Variants in CUX2 observed in about 807,000 individuals in gnomAD.
The protein encoded by CUX2 is homeobox protein cut-like 2.
A neutral mutation model predicts 144.8 loss-of-function variants in CUX2; 40 were observed. That is an observed-to-expected ratio of 0.28 (90% CI 0.21 to 0.36). The LOEUF (loss-of-function observed/expected upper bound fraction) is 0.36, where lower values mean the gene tolerates loss of function less well. Among genes scored for constraint, CUX2 ranks in the 10% least tolerant of loss-of-function variants. The pLI, the probability that CUX2 is intolerant of heterozygous loss-of-function variation, is 1.00. For missense variants in CUX2, 1,615 were observed against 1,994.0 expected (o/e 0.81, Z 3.62); for synonymous variants, 827 against 875.6 (o/e 0.94, Z 0.98).
rs974881980 is a variant in CUX2, at chr12:111,322,179, G to A, written c.2767-242G>A. 2.6e-5 allele frequency among the ~76,000 whole-genome samples: 4 copies of A among 151,988 alleles called. No individual in the cohort carries two copies. Among genetic ancestry groups the A allele is most frequent in the Admixed American group, 6.6e-5 (1 of 15,244 alleles). ...CTAAAAATACAAAAATTAGCCAGACGTGCACCAGCCTGGTACAAGTCCCAA... is the reference window on the plus strand; with the variant it reads ...CTAAAAATACAAAAATTAGCCAGACATGCACCAGCCTGGTACAAGTCCCAA... On this transcript the variant is annotated intron_variant, in intron 17 of 21. Transcript: ENST00000261726. This position sits in a 1 kb window ranked among gnomAD's most constrained non-coding sequence, Gnocchi z 4.2.
intron 17 of CUX2, among the ~76,000 whole-genome samples, chr12:111,321,468 C>T (rs551438702): frequency 4.0e-5 from 6 of 148,558 alleles, no homozygotes; most frequent in Non-Finnish European, 7.4e-5. Context: ...TACTCCATCT[C>T]AAAAGAAAAA....
At chr12:111,342,243 C>T (rs974718578) in intron 21 of CUX2, among the ~76,000 whole-genome samples, 190 bp downstream of exon 21, 2 of 152,018 alleles carry the variant, frequency 1.3e-5, no homozygotes, top group Non-Finnish European at 2.9e-5. Flanking sequence ...TTTGGGAGGC[C>T]AAGGTGGGAG....
At position 111,347,855 on chromosome 12, in the gene CUX2, G is replaced by A. The variant is rs1888883730; in HGVS notation, c.3991G>A (p.Glu1331Lys). The A allele has an allele frequency of 6.2e-7, 1 of 1,614,124 alleles. No homozygotes were observed. Among genetic ancestry groups the A allele is most frequent in the Non-Finnish European group, 8.5e-7 (1 of 1,180,028 alleles). The change falls in exon 22 of 22, where the codon GAG (glutamate) becomes AAG (lysine). Residue 1331 changes from glutamate to lysine, a missense_variant. By Grantham distance (56) the Glu-to-Lys change is moderately conservative. Transcript: ENST00000261726. ...LDKGQGPPKEEHPDPPGNDGL... is the reference protein window; with the variant it reads ...LDKGQGPPKEKHPDPPGNDGL... ...CAAAGGCCAAGGTCCCCCCAAAGAG[G>A]AGCATCCCGACCCTCCGGGTAATGA... is the stretch of plus-strand genomic sequence containing the variant.
chr12:111,316,148 T>C (rs1461179133), intron 16 of CUX2, among the ~76,000 whole-genome samples: 4 of 151,212 alleles, frequency 2.6e-5, no homozygotes, highest in African/African-American at 9.8e-5. Flanking sequence ...TAAGCTTTTT[T>C]TTTTTTTTTT....
intron 20 of CUX2, among the ~76,000 whole-genome samples, chr12:111,341,565 G>A (rs1360838121): frequency 1.3e-5 from 2 of 152,240 alleles, no homozygotes; most frequent in East Asian, 3.9e-4. Flanking sequence ...GGGCGGGCGA[G>A]GTTAGGCTAG....
chr12:111,264,248 A>G (rs1884270717), intron 4 of CUX2, among the ~76,000 whole-genome samples: 1 of 152,068 alleles, frequency 6.6e-6, no homozygotes, highest in East Asian at 1.9e-4. Context: ...CAACCCCAAA[A>G]ATCTGCTGTT....
At chr12:111,099,515 T>C (rs535750506) in intron 1 of CUX2, 1 of 456,132 alleles carries the variant, frequency 2.2e-6, no homozygotes, top group Non-Finnish European at 4.4e-6. Context: ...CAGGGCAAGT[T>C]GTGGGGAGGT....
intron 18 of CUX2, among the ~76,000 whole-genome samples, chr12:111,328,974 T>TCTCTCTCTCTCTCTCTCTCTC (rs1435391998): frequency 3.1e-5 from 2 of 65,356 alleles, no homozygotes; most frequent in Non-Finnish European, 5.1e-5. Context: ...TCTCTCTCTC[T>TCTCTCTCTCTCTCTCTCTCTC]CCCCCTCTCT....
intron 3 of CUX2, among the ~76,000 whole-genome samples, chr12:111,261,017 G>A (rs886482223): frequency 2.0e-5 from 3 of 152,158 alleles, no homozygotes; most frequent in Non-Finnish European, 2.9e-5. Context: ...TCTCGCCCAG[G>A]GCAGCTGTAG....
At chr12:111,233,303 A>G (rs1410665302) in intron 3 of CUX2, among the ~76,000 whole-genome samples, 1 of 152,080 alleles carries the variant, frequency 6.6e-6, no homozygotes, top group Admixed American at 6.5e-5. Context: ...ACCCTTGCAG[A>G]CCGCCTCTTA....
chr12:111,148,703 A>C (rs576316779), intron 1 of CUX2, among the ~76,000 whole-genome samples: 1 of 152,282 alleles, frequency 6.6e-6, no homozygotes, highest in African/African-American at 2.4e-5. Context: ...ACTATTAAGA[A>C]GTAGGTAAGG....
intron 1 of CUX2, among the ~76,000 whole-genome samples, chr12:111,183,156 C>A (rs1253758267): frequency 6.6e-6 from 1 of 152,192 alleles, no homozygotes; most frequent in Non-Finnish European, 1.5e-5. Context: ...TGTGCTTCAC[C>A]CCAGTTGAGA....
chr12:111,295,313 C>T lies in CUX2; in HGVS notation c.561-20C>T. On this transcript the variant is annotated intron_variant, in intron 6 of 21. Coordinates refer to ENST00000261726, the MANE Select transcript of CUX2 (RefSeq NM_015267.4). This position sits in a 1 kb window ranked among gnomAD's most constrained non-coding sequence, Gnocchi z 5.0. ...GGCCTGTCCCTGCAGCCAGCACAAG[C>T]AGGCCTCGTCTCTCCGCAGGGGCCT... 1 of 1,608,760 alleles carries T rather than the reference C, an allele frequency of 6.2e-7. No homozygotes were observed. The highest frequency in any genetic ancestry group is 8.5e-7 in the Non-Finnish European group (1 of 1,177,942).
At chr12:111,170,817 TC>T (rs1878474415) in intron 1 of CUX2, among the ~76,000 whole-genome samples, 1 of 152,076 alleles carries the variant, frequency 6.6e-6, no homozygotes, top group African/African-American at 2.4e-5. Flanking sequence ...AGCAGGTTGT[TC>T]CTCTCCGTGG....
chr12:111,162,415 C>A (rs1254803496), intron 1 of CUX2, among the ~76,000 whole-genome samples: 1 of 152,230 alleles, frequency 6.6e-6, no homozygotes, highest in South Asian at 2.1e-4. Flanking sequence ...GTGCATGGAG[C>A]CCTGGTGGGT....
chr12:111,228,510 A>T (rs1406479947), intron 3 of CUX2, among the ~76,000 whole-genome samples: 15 of 151,792 alleles, frequency 9.9e-5, no homozygotes, highest in Admixed American at 8.5e-4. Context: ...TGCAACCTCC[A>T]CCTCCCAGGT....
chr12:111,157,006 A>AAAAAAG (rs1877431455), intron 1 of CUX2, among the ~76,000 whole-genome samples: 1 of 150,108 alleles, frequency 6.7e-6, no homozygotes, highest in African/African-American at 2.5e-5. Flanking sequence ...AAAAAAAAAA[A>AAAAAAG]AAACAGAAAC....
chr12:111,321,438 C>T (rs1384587572), intron 17 of CUX2, among the ~76,000 whole-genome samples: 1 of 151,824 alleles, frequency 6.6e-6, no homozygotes, highest in Non-Finnish European at 1.5e-5. Context: ...TACTGTGCTC[C>T]AGCCTGGGTG....
intron 18 of CUX2, among the ~76,000 whole-genome samples, chr12:111,323,202 C>T (rs1887620272): frequency 6.6e-6 from 1 of 152,214 alleles, no homozygotes; most frequent in African/African-American, 2.4e-5. Flanking sequence ...GGGCACGTGA[C>T]TGCAAGGAGA....
Sources: allele counts gnomAD v4.1 joint callset (sites outside exome capture counted in the v4.1 genomes callset), GRCh38; gene constraint gnomAD v4.1.1; non-coding constraint Gnocchi (gnomAD v3.1); transcripts MANE v1.5; gene names NCBI Gene and HGNC (gene_info 2026-07-23, HGNC 2026-07-21).